ZZZ3: variants seen among roughly 807,000 people sequenced by gnomAD.
ZZZ3 encodes the protein ZZ-type zinc finger-containing protein 3.
ZZZ3 carries 22 observed loss-of-function variants against 95.2 expected under a neutral mutation model. That is an observed-to-expected ratio of 0.23 (90% CI 0.17 to 0.33). ZZZ3 has a LOEUF of 0.33. Ranked by LOEUF, ZZZ3 falls within the 10% of genes least tolerant of loss-of-function variation. The probability of loss-of-function intolerance (pLI) is 1.00; values close to 1 mark genes in which losing one functional copy is unlikely to be tolerated. For missense variants in ZZZ3, 885 were observed against 1,066.5 expected (o/e 0.83, Z 2.37); for synonymous variants, 335 against 358.9 (o/e 0.93, Z 0.75).
intron 13 of ZZZ3, among the ~76,000 whole-genome samples, chr1:77,566,500 A>G (rs2291690): frequency 0.059 from 8,969 of 152,250 alleles, 496 homozygotes; most frequent in African/African-American, 0.15. Flanking sequence ...GTAATCATCT[A>G]CTTGAAAGGT....
chr1:77,628,914 A>G (rs1667547668), intron 5 of ZZZ3, among the ~76,000 whole-genome samples: 1 of 152,224 alleles, frequency 6.6e-6, no homozygotes, highest in South Asian at 2.1e-4. Context: ...CACAGGGAGA[A>G]TAAGGAAGAG....
intron 1 of ZZZ3, among the ~76,000 whole-genome samples, chr1:77,647,798 C>T (rs895948273): frequency 1.4e-4 from 21 of 152,166 alleles, no homozygotes; most frequent in Non-Finnish European, 2.8e-4. Flanking sequence ...GGTTAACCTA[C>T]TAGCCACAGT....
At chr1:77,586,281 A>ACAAC (rs1221756640) in intron 5 of ZZZ3, among the ~76,000 whole-genome samples, 1 of 152,186 alleles carries the variant, frequency 6.6e-6, no homozygotes, top group Non-Finnish European at 1.5e-5. Context: ...CCAGCTGAAT[A>ACAAC]CAACCAAAGA....
chr1:77,569,309 C>A (rs1249885121), intron 12 of ZZZ3, among the ~76,000 whole-genome samples: 1 of 152,206 alleles, frequency 6.6e-6, no homozygotes, highest in East Asian at 1.9e-4. Flanking sequence ...TGCACTCCAG[C>A]CTGGGAGACA....
intron 4 of ZZZ3, among the ~76,000 whole-genome samples, chr1:77,636,181 A>T (rs1570571889): frequency 6.6e-6 from 1 of 152,270 alleles, no homozygotes; most frequent in East Asian, 1.9e-4. Context: ...TTATAAACAC[A>T]CAAAAGAATC....
intron 5 of ZZZ3, among the ~76,000 whole-genome samples, chr1:77,622,626 T>C (rs1365363840): frequency 6.6e-6 from 1 of 152,184 alleles, no homozygotes; most frequent in African/African-American, 2.4e-5. Flanking sequence ...TCTTAGACTC[T>C]TAGAATTACC....
At chr1:77,630,986 C>T (rs957609718) in intron 5 of ZZZ3, among the ~76,000 whole-genome samples, 4 of 152,170 alleles carry the variant, frequency 2.6e-5, no homozygotes, top group Non-Finnish European at 2.9e-5. Flanking sequence ...TAACTTATTA[C>T]ATAAGTCTGT....
At chr1:77,635,104 T>G (rs899852248) in intron 4 of ZZZ3, among the ~76,000 whole-genome samples, 2 of 152,098 alleles carry the variant, frequency 1.3e-5, no homozygotes, top group African/African-American at 2.4e-5. Context: ...AGTGGAAAGT[T>G]TGGAAGAATT....
At chr1:77,653,464 A>G (rs1413552742) in intron 1 of ZZZ3, among the ~76,000 whole-genome samples, 1 of 152,182 alleles carries the variant, frequency 6.6e-6, no homozygotes, top group Non-Finnish European at 1.5e-5. Flanking sequence ...TTAAAAGATA[A>G]GAGAATCGGC....
chr1:77,624,461 G>T (rs573645015), intron 5 of ZZZ3, among the ~76,000 whole-genome samples: 1 of 143,012 alleles, frequency 7.0e-6, no homozygotes. Context: ...GCATGCCTGA[G>T]AAATGAAGCT....
At chr1:77,649,265 T>A (rs1381045457) in intron 1 of ZZZ3, among the ~76,000 whole-genome samples, 1 of 149,036 alleles carries the variant, frequency 6.7e-6, no homozygotes, top group Non-Finnish European at 1.5e-5. Flanking sequence ...AAACAACACA[T>A]TACAGGCACA....
chr1:77,649,592 A>G (rs1447775345), intron 1 of ZZZ3, among the ~76,000 whole-genome samples: 1 of 152,030 alleles, frequency 6.6e-6, no homozygotes, highest in Non-Finnish European at 1.5e-5. Flanking sequence ...ACTATAAAAA[A>G]CTTTTCCTGG....
intron 1 of ZZZ3, among the ~76,000 whole-genome samples, chr1:77,652,668 A>G (rs1055795001): frequency 2.0e-5 from 3 of 152,366 alleles, no homozygotes; most frequent in East Asian, 3.9e-4. Context: ...AGCATTATTC[A>G]TAATAGTTAT....
At chr1:77,573,168 G>A (rs896610126) in intron 12 of ZZZ3, among the ~76,000 whole-genome samples, 1 of 152,126 alleles carries the variant, frequency 6.6e-6, no homozygotes, top group Non-Finnish European at 1.5e-5. Context: ...TGCCCAGGCT[G>A]GAGTGCAGTG....
chr1:77,640,457 G>A (rs1052346933), intron 3 of ZZZ3, among the ~76,000 whole-genome samples: 2 of 151,904 alleles, frequency 1.3e-5, no homozygotes, highest in African/African-American at 4.8e-5. Context: ...AAAATTAGCT[G>A]GGCATGGTGG....
chr1:77,635,942 A>G (rs1300601772), intron 4 of ZZZ3, among the ~76,000 whole-genome samples: 1 of 152,170 alleles, frequency 6.6e-6, no homozygotes, highest in African/African-American at 2.4e-5. Flanking sequence ...AAACTGAAAT[A>G]CATGAAAAGC....
At chr1:77,572,201 C>G (rs572062399) in intron 12 of ZZZ3, among the ~76,000 whole-genome samples, 2 of 152,308 alleles carry the variant, frequency 1.3e-5, no homozygotes, top group East Asian at 3.9e-4. Context: ...TGAACTGGCA[C>G]TCATTTTTAA....
upstream of ZZZ3, chr1:77,682,763 A>G (rs1440933489): frequency 1.3e-5 from 2 of 152,254 alleles, no homozygotes; most frequent in Non-Finnish European, 2.9e-5. Flanking sequence ...AGTATTTCGG[A>G]ACTTAAAAAG....
At chr1:77,598,908 C>T (rs1398149883) in intron 5 of ZZZ3, among the ~76,000 whole-genome samples, 1 of 152,282 alleles carries the variant, frequency 6.6e-6, no homozygotes, top group African/African-American at 2.4e-5. Flanking sequence ...AGTAAGTACA[C>T]TTCTACTGTT....
Sources: gnomAD v4.1 joint callset for allele counts (sites outside exome capture counted in the v4.1 genomes callset) on GRCh38, gnomAD v4.1.1 for gene constraint, MANE v1.5 for transcripts, NCBI Gene and HGNC (gene_info 2026-07-23, HGNC 2026-07-21) for gene names.